ZFAT: variants seen among roughly 807,000 people sequenced by gnomAD.
The protein encoded by ZFAT is zinc finger and AT-hook domain containing.
In ZFAT, 64 loss-of-function variants were observed where a neutral mutation model predicts 117.7. That is an observed-to-expected ratio of 0.54 (90% CI 0.44 to 0.67). The LOEUF is 0.67. Among genes scored for constraint, ZFAT ranks in the 30% least tolerant of loss-of-function variants. The pLI, the probability that ZFAT is intolerant of heterozygous loss-of-function variation, is 0.00. For missense variants in ZFAT, 1,433 were observed against 1,584.5 expected, an observed-to-expected ratio of 0.90 and a Z score of 1.62; for synonymous variants, 679 against 615.0, an observed-to-expected ratio of 1.10 and a Z score of -1.54.
At chr8:134,619,378 G>A (rs944704411) in intron 3 of ZFAT, among the ~76,000 whole-genome samples, 1 of 152,166 alleles carries the variant, frequency 6.6e-6, no homozygotes, top group South Asian at 2.1e-4. Context: ...AAAACCGTAA[G>A]TCCACCCATT....
At chr8:134,657,758 A>T (rs764545523) in intron 1 of ZFAT, 21 bp from the exon 2 acceptor site, 3 of 1,606,670 alleles carry the variant, frequency 1.9e-6, no homozygotes, top group Admixed American at 3.4e-5. Context: ...AAAAAAGGAA[A>T]ATATGTTATT....
the ZFAT span, chr8:134,794,554 CT>C: frequency 6.6e-6 from 1 of 152,212 alleles, no homozygotes; most frequent in Non-Finnish European, 1.5e-5. Context: ...TTAGTGTTTT[CT>C]AATGTTACTC....
At chr8:134,752,473 G>A in the ZFAT span, among the ~76,000 whole-genome samples, 2 of 152,192 alleles carry the variant, frequency 1.3e-5, no homozygotes, top group African/African-American at 4.8e-5. Context: ...AGGCTGTCAT[G>A]AAAAGCAAAT....
At chr8:134,699,750 C>T (rs1430452821) in intron 1 of ZFAT, among the ~76,000 whole-genome samples, 1 of 152,220 alleles carries the variant, frequency 6.6e-6, no homozygotes, top group Non-Finnish European at 1.5e-5. Flanking sequence ...GTTACGCTGG[C>T]AGAGAACGAT....
At chr8:134,548,147 A>G (rs1268491501) in intron 11 of ZFAT, among the ~76,000 whole-genome samples, 1 of 152,180 alleles carries the variant, frequency 6.6e-6, no homozygotes, top group African/African-American at 2.4e-5. Flanking sequence ...CTATTCATTT[A>G]CTCATTTGTT....
chr8:134,612,386 A>T (rs1828405490), intron 3 of ZFAT, among the ~76,000 whole-genome samples: 1 of 152,242 alleles, frequency 6.6e-6, no homozygotes, highest in South Asian at 2.1e-4. Flanking sequence ...GTTTCCAGTG[A>T]TTCAACTCTG....
At chr8:134,644,707 C>G (rs1330406213) in intron 2 of ZFAT, among the ~76,000 whole-genome samples, 1 of 152,058 alleles carries the variant, frequency 6.6e-6, no homozygotes, top group Non-Finnish European at 1.5e-5. Context: ...CACATATGCC[C>G]ACGACACACA....
chr8:134,577,108 G>A (rs929511702), intron 10 of ZFAT, among the ~76,000 whole-genome samples: 1 of 152,148 alleles, frequency 6.6e-6, no homozygotes, highest in African/African-American at 2.4e-5. Context: ...AGTCAAAAGT[G>A]GGAAACTACA....
intron 9 of ZFAT, among the ~76,000 whole-genome samples, chr8:134,587,009 A>C (rs1826114330): frequency 6.6e-6 from 1 of 152,266 alleles, no homozygotes; most frequent in South Asian, 2.1e-4. Flanking sequence ...GCATCTGTTT[A>C]GGTCACTCTT....
chr8:134,514,596 C>A (rs1820110143), intron 13 of ZFAT, among the ~76,000 whole-genome samples: 1 of 152,136 alleles, frequency 6.6e-6, no homozygotes, highest in African/African-American at 2.4e-5. Flanking sequence ...CTGTACAGAG[C>A]AGAACACTGA....
At chr8:134,708,981 T>C (rs1471941973) in intron 1 of ZFAT, among the ~76,000 whole-genome samples, 2 of 152,122 alleles carry the variant, frequency 1.3e-5, no homozygotes, top group Non-Finnish European at 2.9e-5. Context: ...TTTTTAAAAA[T>C]GACTTATTTA....
At chr8:134,765,767 GCA>G in the ZFAT span, 1 of 151,962 alleles carries the variant, frequency 6.6e-6, no homozygotes, top group South Asian at 2.1e-4. Flanking sequence ...TCAAGAAACG[GCA>G]CAGTTTTTAG....
chr8:134,793,233 T>G, the ZFAT span: 28,451 of 152,126 alleles, frequency 0.19, 2,876 homozygotes, highest in Non-Finnish European at 0.23. Context: ...AGAAGGGAAG[T>G]GGACACACAG....
chr8:134,491,822 C>T (rs1450023152), intron 15 of ZFAT, among the ~76,000 whole-genome samples: 1 of 152,208 alleles, frequency 6.6e-6, no homozygotes, highest in East Asian at 1.9e-4. Flanking sequence ...TCCCGCTTGC[C>T]ATGTAAAACT....
the ZFAT span, among the ~76,000 whole-genome samples, chr8:134,719,899 C>T: frequency 6.6e-6 from 1 of 152,180 alleles, no homozygotes; most frequent in Admixed American, 6.5e-5. Context: ...ACAATGGTGG[C>T]CCCCAATGAA....
the ZFAT span, among the ~76,000 whole-genome samples, chr8:134,781,907 A>G: frequency 2.6e-5 from 4 of 152,254 alleles, no homozygotes; most frequent in African/African-American, 9.6e-5. Flanking sequence ...AATAGAGTAT[A>G]TAATACATAT....
intron 11 of ZFAT, among the ~76,000 whole-genome samples, chr8:134,545,464 G>A (rs1403756237): frequency 6.6e-6 from 1 of 152,130 alleles, no homozygotes; most frequent in African/African-American, 2.4e-5. Context: ...AGAACAGCCT[G>A]GGCAACATAG....
chr8:134,687,052 C>T (rs1204096410), intron 1 of ZFAT, among the ~76,000 whole-genome samples: 1 of 152,182 alleles, frequency 6.6e-6, no homozygotes, highest in Non-Finnish European at 1.5e-5. Context: ...CCCACCTCCC[C>T]TCCACCCTGC....
At chr8:134,507,215 T>G (rs965968141) in intron 15 of ZFAT, among the ~76,000 whole-genome samples, 3 of 152,176 alleles carry the variant, frequency 2.0e-5, no homozygotes, top group African/African-American at 7.2e-5. Context: ...AGAAAAAGGT[T>G]GAAACCAATT....
Sources: gnomAD v4.1 joint callset for allele counts (sites outside exome capture counted in the v4.1 genomes callset) on GRCh38, gnomAD v4.1.1 for gene constraint, MANE v1.5 for transcripts, NCBI Gene and HGNC (gene_info 2026-07-23, HGNC 2026-07-21) for gene names.